NRXN3: variants seen among roughly 807,000 people sequenced by gnomAD.
The protein encoded by NRXN3 is neurexin III.
NRXN3 carries 32 observed loss-of-function variants against 137.6 expected under a neutral mutation model. The observed-to-expected ratio is 0.23, with a 90% confidence interval of 0.18 to 0.31. The LOEUF (loss-of-function observed/expected upper bound fraction) is 0.31, where lower values mean the gene tolerates loss of function less well. NRXN3 is among the 10% of genes least tolerant of loss of function. The pLI is 1.00. For synonymous variants in NRXN3, 798 were observed against 784.5 expected, an observed-to-expected ratio of 1.02 and a Z score of -0.29; for missense variants, 1,574 against 2,062.5, an observed-to-expected ratio of 0.76 and a Z score of 4.59.
chr14:79,455,180 T>C (rs1162917274), intron 15 of NRXN3, among the ~76,000 whole-genome samples: 1 of 152,224 alleles, frequency 6.6e-6, no homozygotes, highest in African/African-American at 2.4e-5. Flanking sequence ...GTAGATTGTA[T>C]TGGTCTCTGG....
intron 4 of NRXN3, among the ~76,000 whole-genome samples, chr14:78,386,500 T>G (rs148917103): frequency 6.6e-6 from 1 of 152,268 alleles, no homozygotes; most frequent in Non-Finnish European, 1.5e-5. Flanking sequence ...TCTTATATAT[T>G]GTCTCTTATG....
intron 19 of NRXN3, among the ~76,000 whole-genome samples, chr14:79,777,254 G>T (rs905668071): frequency 5.3e-5 from 8 of 152,174 alleles, no homozygotes; most frequent in Non-Finnish European, 1.5e-5. Context: ...CTGTAAGGCA[G>T]TTTCTGTTTC....
chr14:79,695,793 A>G (rs909646484), intron 18 of NRXN3, among the ~76,000 whole-genome samples: 1 of 152,034 alleles, frequency 6.6e-6, no homozygotes, highest in African/African-American at 2.4e-5. Context: ...TGCACAACAC[A>G]CTAAATGAAT....
Position 78,686,028 on chromosome 14 carries a change from CCTT to C in NRXN3, c.1222-23184_1222-23182del, listed in dbSNP as rs144269966. Among the ~76,000 whole-genome samples, 748 of 152,164 alleles carry C rather than the reference CCTT, an allele frequency of 4.9e-3. 4 individuals are homozygous for C. The highest frequency in any genetic ancestry group is 0.036 in the East Asian group (183 of 5,150). ...TAAGCCTCCACCCTATCCTAGCACT[CCTT>C]CTTCCGTTTAGCTTGTCCATCACCA... On this transcript the variant is annotated intron_variant, in intron 6 of 20. Coordinates refer to ENST00000335750, the MANE Select transcript of NRXN3 (RefSeq NM_001330195.2).
chr14:78,513,653 C>CA (rs972228633), intron 4 of NRXN3, among the ~76,000 whole-genome samples: 5 of 151,466 alleles, frequency 3.3e-5, no homozygotes, highest in East Asian at 1.9e-4. Flanking sequence ...AATCAATGTG[C>CA]AAAAAAAATT....
chr14:79,493,330 A>G (rs918411639), intron 16 of NRXN3, among the ~76,000 whole-genome samples: 3 of 152,246 alleles, frequency 2.0e-5, no homozygotes, highest in Admixed American at 6.5e-5. Context: ...AGAAAATAGA[A>G]TCTGAAAGCT....
intron 8 of NRXN3, among the ~76,000 whole-genome samples, chr14:78,798,102 C>A (rs1178492152): frequency 6.6e-6 from 1 of 152,158 alleles, no homozygotes; most frequent in Non-Finnish European, 1.5e-5. Flanking sequence ...TCCCAACAGT[C>A]CCCCAAAGTC....
chr14:78,354,989 A>G (rs1432021082), intron 4 of NRXN3, among the ~76,000 whole-genome samples: 1 of 152,198 alleles, frequency 6.6e-6, no homozygotes, highest in East Asian at 1.9e-4. Context: ...AGAAACCAGG[A>G]GACCCTACCT....
At chr14:79,068,321 A>T (rs887030340) in intron 15 of NRXN3, among the ~76,000 whole-genome samples, 60 of 152,254 alleles carry the variant, frequency 3.9e-4, no homozygotes, top group African/African-American at 1.4e-3. Flanking sequence ...TTTCTCAATT[A>T]CTTAGGCAAA....
intron 15 of NRXN3, among the ~76,000 whole-genome samples, chr14:79,411,203 A>G (rs1055312473): frequency 6.6e-6 from 1 of 152,066 alleles, no homozygotes; most frequent in African/African-American, 2.4e-5. Flanking sequence ...GGCTGGTACA[A>G]TGTTGTTCAA....
chr14:79,033,940 A>G (rs1162654771), intron 15 of NRXN3, among the ~76,000 whole-genome samples: 1 of 152,058 alleles, frequency 6.6e-6, no homozygotes, highest in Non-Finnish European at 1.5e-5. Context: ...CCATATAAAT[A>G]TTTCTACCTT....
At chr14:78,302,529 G>T (rs1018537684) in intron 4 of NRXN3, among the ~76,000 whole-genome samples, 6 of 152,110 alleles carry the variant, frequency 3.9e-5, no homozygotes, top group African/African-American at 1.4e-4. Flanking sequence ...CCGGATACAA[G>T]GGTGACCTCC....
chr14:79,219,823 T>C (rs2069208219), intron 15 of NRXN3, among the ~76,000 whole-genome samples: 1 of 152,198 alleles, frequency 6.6e-6, no homozygotes, highest in African/African-American at 2.4e-5. Context: ...TCAACCCAAA[T>C]TAGTTTAATG....
intron 10 of NRXN3, among the ~76,000 whole-genome samples, chr14:78,942,656 T>G (rs192543193): frequency 6.6e-6 from 1 of 151,940 alleles, no homozygotes; most frequent in Non-Finnish European, 1.5e-5. Context: ...AGAGATTTGA[T>G]AAAAGACACA....
chr14:79,316,029 G>C (rs746836982), intron 15 of NRXN3, among the ~76,000 whole-genome samples: 1 of 152,170 alleles, frequency 6.6e-6, no homozygotes, highest in Admixed American at 6.5e-5. Flanking sequence ...CCATTGCTTT[G>C]TAAGGTGTAA....
intron 10 of NRXN3, among the ~76,000 whole-genome samples, chr14:78,925,978 C>T (rs1221911581): frequency 1.3e-5 from 2 of 152,098 alleles, no homozygotes; most frequent in Non-Finnish European, 1.5e-5. Flanking sequence ...AGGGACTATT[C>T]AATAAACATA....
chr14:78,456,803 T>TTCTC (rs1320496018), intron 4 of NRXN3, among the ~76,000 whole-genome samples: 45 of 82,850 alleles, frequency 5.4e-4, no homozygotes, highest in East Asian at 7.1e-4. Flanking sequence ...CTTTCTCTCT[T>TTCTC]TCTTTCTTTC....
At chr14:78,723,398 A>G (rs2098469098) in intron 8 of NRXN3, among the ~76,000 whole-genome samples, 1 of 152,240 alleles carries the variant, frequency 6.6e-6, no homozygotes, top group African/African-American at 2.4e-5. Flanking sequence ...CAGCTAAAGA[A>G]TAGCTGAAAT....
At chr14:79,190,582 TC>T (rs1331851878) in intron 15 of NRXN3, among the ~76,000 whole-genome samples, 1 of 152,136 alleles carries the variant, frequency 6.6e-6, no homozygotes, top group Non-Finnish European at 1.5e-5. Context: ...AAGGCAAGTG[TC>T]CAAACGCCAA....
Sources: allele counts gnomAD v4.1 joint callset (sites outside exome capture counted in the v4.1 genomes callset), GRCh38; gene constraint gnomAD v4.1.1; transcripts MANE v1.5; gene names NCBI Gene and HGNC (gene_info 2026-07-23, HGNC 2026-07-21).